The following SNTG1 variants were observed in gnomAD, a reference collection of about 807,000 sequenced individuals.
SNTG1 encodes syntrophin gamma 1.
A neutral mutation model predicts 74.7 loss-of-function variants in SNTG1; 39 were observed. The observed-to-expected ratio is 0.52, with a 90% CI of 0.40 to 0.68. The LOEUF (loss-of-function observed/expected upper bound fraction) is 0.68, where lower values mean the gene tolerates loss of function less well. Ranked by LOEUF, SNTG1 falls within the 30% of genes least tolerant of loss-of-function variation. The pLI is 0.00. For missense variants in SNTG1, 685 were observed against 609.5 expected (o/e 1.12, Z -1.30); for synonymous variants, 254 against 217.1 (o/e 1.17, Z -1.49).
At chr8:50,546,559 T>A (rs1245272220) in intron 11 of SNTG1, among the ~76,000 whole-genome samples, 6 of 123,496 alleles carry the variant, frequency 4.9e-5, no homozygotes, top group Admixed American at 1.9e-4. Context: ...CAGTCCCCAG[T>A]GTGTGATGTT....
chr8:50,274,992 T>G (rs1273233781), intron 2 of SNTG1, among the ~76,000 whole-genome samples: 4 of 152,208 alleles, frequency 2.6e-5, no homozygotes, highest in Non-Finnish European at 1.5e-5. Flanking sequence ...TTTGAAGACT[T>G]CTCACCTATA....
At chr8:50,093,695 A>C (rs1207635365) in intron 1 of SNTG1, among the ~76,000 whole-genome samples, 1 of 152,146 alleles carries the variant, frequency 6.6e-6, no homozygotes, top group African/African-American at 2.4e-5. Flanking sequence ...ATTTAGTTAT[A>C]AAGTATAGGG....
intron 13 of SNTG1, among the ~76,000 whole-genome samples, chr8:50,647,165 A>C (rs1172375002): frequency 6.6e-6 from 1 of 152,186 alleles, no homozygotes; most frequent in Non-Finnish European, 1.5e-5. Context: ...ATGACTTCTC[A>C]GATACAACAC....
At chr8:50,323,107 GA>G (rs77989339) in intron 2 of SNTG1, among the ~76,000 whole-genome samples, 9,176 of 65,990 alleles carry the variant, frequency 0.14, 276 homozygotes, top group Middle Eastern at 0.23. Context: ...GACTTGTCTG[GA>G]AAAAAAAAAA....
chr8:50,530,284 G>A (rs1222009517), intron 10 of SNTG1, 25 bp downstream of exon 10: 2 of 1,602,576 alleles, frequency 1.2e-6, no homozygotes, highest in African/African-American at 1.3e-5. Flanking sequence ...GCATAGCTCA[G>A]ATTAATAAGG....
intron 17 of SNTG1, among the ~76,000 whole-genome samples, chr8:50,723,322 A>T (rs2095492241): frequency 6.6e-6 from 1 of 152,130 alleles, no homozygotes; most frequent in African/African-American, 2.4e-5. Context: ...TTTCGACTTG[A>T]TCTCTACCAA....
chr8:50,655,550 G>C (rs1232752315), intron 13 of SNTG1, among the ~76,000 whole-genome samples: 1 of 152,120 alleles, frequency 6.6e-6, no homozygotes, highest in Non-Finnish European at 1.5e-5. Context: ...TGATTCATTT[G>C]TTAAGCTAAT....
intron 1 of SNTG1, among the ~76,000 whole-genome samples, chr8:49,955,935 C>A (rs899799707): frequency 1.3e-5 from 2 of 152,144 alleles, no homozygotes; most frequent in African/African-American, 4.8e-5. Flanking sequence ...ATTCTAGGAC[C>A]CAAGTATGTC....
At chr8:50,430,317 A>T (rs2131519053) in intron 4 of SNTG1, among the ~76,000 whole-genome samples, 1 of 152,306 alleles carries the variant, frequency 6.6e-6, no homozygotes, top group Non-Finnish European at 1.5e-5. Flanking sequence ...TTTTATGCAT[A>T]AACATCAGTA....
At chr8:50,617,744 G>A (rs1022418684) in intron 13 of SNTG1, among the ~76,000 whole-genome samples, 2 of 152,196 alleles carry the variant, frequency 1.3e-5, no homozygotes, top group Non-Finnish European at 2.9e-5. Context: ...CATGACTGGG[G>A]GCTGCATGCA....
intron 1 of SNTG1, among the ~76,000 whole-genome samples, chr8:50,015,897 G>A (rs531289755): frequency 6.6e-6 from 1 of 152,242 alleles, no homozygotes; most frequent in East Asian, 1.9e-4. Context: ...TATGGCAGAT[G>A]AAGCAAAACT....
At chr8:50,614,052 G>A (rs1307304848) in intron 13 of SNTG1, among the ~76,000 whole-genome samples, 1 of 152,094 alleles carries the variant, frequency 6.6e-6, no homozygotes, top group Non-Finnish European at 1.5e-5. Flanking sequence ...CTGGAGGAGA[G>A]AAAGAACTAA....
chr8:50,027,149 G>T (rs1325393453), intron 1 of SNTG1, among the ~76,000 whole-genome samples: 1 of 152,094 alleles, frequency 6.6e-6, no homozygotes, highest in Non-Finnish European at 1.5e-5. Context: ...CAAAAGTGGG[G>T]GTGAAAGCGG....
intron 2 of SNTG1, among the ~76,000 whole-genome samples, chr8:50,376,167 A>G (rs932331497): frequency 1.1e-4 from 17 of 152,156 alleles, no homozygotes; most frequent in Admixed American, 9.2e-4. Flanking sequence ...CTGCACCATA[A>G]TTGTCTTCAG....
intron 13 of SNTG1, among the ~76,000 whole-genome samples, chr8:50,626,293 A>G (rs1211219544): frequency 1.3e-5 from 2 of 152,204 alleles, no homozygotes; most frequent in Non-Finnish European, 2.9e-5. Context: ...GAAGTAGACA[A>G]CAAAGGCAGA....
intron 15 of SNTG1, among the ~76,000 whole-genome samples, chr8:50,700,152 C>T (rs2095418590): frequency 6.6e-6 from 1 of 152,204 alleles, no homozygotes; most frequent in African/African-American, 2.4e-5. Flanking sequence ...TTATTTAAAC[C>T]TATGTGGATA....
At chr8:50,583,485 C>T (rs1394627797) in intron 12 of SNTG1, among the ~76,000 whole-genome samples, 1 of 151,634 alleles carries the variant, frequency 6.6e-6, no homozygotes, top group East Asian at 1.9e-4. Flanking sequence ...ATTCTTGGAG[C>T]TGCAAAGCCC....
At chr8:50,413,287 A>G (rs2092972775) in intron 4 of SNTG1, among the ~76,000 whole-genome samples, 1 of 152,344 alleles carries the variant, frequency 6.6e-6, no homozygotes, top group South Asian at 2.1e-4. Flanking sequence ...ACAGATATAG[A>G]CAGATGATTG....
At chr8:49,923,050 T>C (rs1201376588) in intron 1 of SNTG1, among the ~76,000 whole-genome samples, 2 of 152,142 alleles carry the variant, frequency 1.3e-5, no homozygotes, top group East Asian at 1.9e-4. Flanking sequence ...TTTAAGGCCC[T>C]TTTTCTTAGG....
Sources: allele counts gnomAD v4.1 joint callset (sites outside exome capture counted in the v4.1 genomes callset), GRCh38; gene constraint gnomAD v4.1.1; transcripts MANE v1.5; gene names NCBI Gene and HGNC (gene_info 2026-07-23, HGNC 2026-07-21).